The following BEND5 variants were observed in gnomAD, a reference collection of about 807,000 sequenced individuals.
BEND5 encodes the protein BEN domain-containing protein 5.
Under a neutral mutation model 43.9 loss-of-function variants are expected in BEND5, and 22 were observed. The ratio of observed to expected loss-of-function variants is 0.50; its 90% CI spans 0.36 to 0.72. The LOEUF (loss-of-function observed/expected upper bound fraction) is 0.72, where lower values mean the gene tolerates loss of function less well. Ranked by LOEUF, BEND5 falls within the 30% of genes least tolerant of loss-of-function variation. BEND5 has a pLI of 0.00. For missense variants in BEND5, 428 were observed against 550.6 expected (o/e 0.78, Z 2.23); for synonymous variants, 228 against 225.9 (o/e 1.01, Z -0.08).
intron 5 of BEND5, among the ~76,000 whole-genome samples, chr1:48,729,577 C>T (rs991728152): frequency 6.6e-6 from 1 of 152,080 alleles, no homozygotes; most frequent in African/African-American, 2.4e-5. Flanking sequence ...CTAACTTGTG[C>T]TAACCTTTCC....
At chr1:48,753,522 T>C (rs925085755) in intron 3 of BEND5, among the ~76,000 whole-genome samples, 1 of 152,214 alleles carries the variant, frequency 6.6e-6, no homozygotes, top group Non-Finnish European at 1.5e-5. Context: ...AAAGCTGGTA[T>C]TTTAGCGGAC....
intron 3 of BEND5, among the ~76,000 whole-genome samples, chr1:48,758,209 C>T (rs1644049593): frequency 6.6e-6 from 1 of 152,206 alleles, no homozygotes; most frequent in Admixed American, 6.5e-5. Flanking sequence ...CTGCTCAAAG[C>T]TTTCTAATGC....
chr1:48,735,001 T>C (rs1648791613), intron 5 of BEND5, among the ~76,000 whole-genome samples: 1 of 152,244 alleles, frequency 6.6e-6, no homozygotes, highest in African/African-American at 2.4e-5. Context: ...ACTAGCTGTA[T>C]AACCTGGTCA....
At chr1:48,760,970 A>C (rs1349928539) in intron 2 of BEND5, 1 of 172,426 alleles carries the variant, frequency 5.8e-6, no homozygotes, top group Non-Finnish European at 1.2e-5. Context: ...GCACTCTGAC[A>C]GTGACTGGCC....
intron 3 of BEND5, among the ~76,000 whole-genome samples, chr1:48,751,987 T>C (rs1158502728): frequency 6.6e-6 from 1 of 152,204 alleles, no homozygotes; most frequent in Non-Finnish European, 1.5e-5. Context: ...AGAAGATGAC[T>C]GATATTTTTC....
In BEND5 at chr1:48,736,106, T is replaced by A. The variant is rs1240040344; in HGVS notation, c.1108+133A>T. Reference sequence around the variant, plus strand: ...TGGGGCATTTGGGTTATCCGCTTGGTGTCCCCGGGCTCAGCCCAGGGTCTG... The same window carrying A: ...TGGGGCATTTGGGTTATCCGCTTGGAGTCCCCGGGCTCAGCCCAGGGTCTG... On this transcript the variant is annotated intron_variant, in intron 5 of 5. Transcript: ENST00000371833. This position sits in a 1 kb window ranked among gnomAD's most constrained non-coding sequence, Gnocchi z 4.0. 4 of 965,962 alleles carry A rather than the reference T, an allele frequency of 4.1e-6. No individual in the cohort carries two copies. The Admixed American group carries it at 8.7e-5, about 21-fold the overall frequency. The allele number at this position is 965,962 out of a possible 1,614,324, so 59.8% of individuals were successfully genotyped here. A position where few individuals can be genotyped will look rare whatever the true frequency, so the allele number is the denominator to read the frequency against.
At chr1:48,730,443 C>T (rs978001529) in intron 5 of BEND5, among the ~76,000 whole-genome samples, 1 of 152,114 alleles carries the variant, frequency 6.6e-6, no homozygotes. Context: ...GAAGATTCCC[C>T]CAGCTCGAAG....
intron 1 of BEND5, among the ~76,000 whole-genome samples, chr1:48,762,376 C>A (rs577643936): frequency 6.6e-6 from 1 of 152,224 alleles, no homozygotes; most frequent in African/African-American, 2.4e-5. Context: ...TGGATATGTT[C>A]AAAAATAAAA....
intron 3 of BEND5, among the ~76,000 whole-genome samples, chr1:48,747,452 T>G (rs1650946458): frequency 6.6e-6 from 1 of 152,230 alleles, no homozygotes; most frequent in South Asian, 2.1e-4. Context: ...TATCAAGATC[T>G]AGGCTCTGCA....
chr1:48,760,841 T>C (rs1644219797), intron 2 of BEND5, among the ~76,000 whole-genome samples: 1 of 152,166 alleles, frequency 6.6e-6, no homozygotes, highest in Admixed American at 6.5e-5. Context: ...GGAGACCAAC[T>C]GGGGCACACA....
intron 1 of BEND5, among the ~76,000 whole-genome samples, chr1:48,769,971 C>T (rs988338431): frequency 6.6e-6 from 1 of 152,202 alleles, no homozygotes; most frequent in Non-Finnish European, 1.5e-5. Context: ...TAGAAGTCAT[C>T]TAACCAAACT....
chr1:48,766,213 AT>A (rs576364791), intron 1 of BEND5, among the ~76,000 whole-genome samples: 4 of 151,450 alleles, frequency 2.6e-5, no homozygotes, highest in East Asian at 3.9e-4. Context: ...TATAAGCCAC[AT>A]TTTTTTTTCC....
chr1:48,755,620 G>A (rs1396277483), intron 3 of BEND5, among the ~76,000 whole-genome samples: 1 of 151,990 alleles, frequency 6.6e-6, no homozygotes, highest in Non-Finnish European at 1.5e-5. Context: ...TCTCTCATTC[G>A]CTTTCTGGTT....
chr1:48,747,037 G>A (rs1170894508), intron 3 of BEND5, among the ~76,000 whole-genome samples: 2 of 152,224 alleles, frequency 1.3e-5, no homozygotes, highest in African/African-American at 4.8e-5. Flanking sequence ...CACTACCGAT[G>A]TTGGCAATTT....
intron 2 of BEND5, among the ~76,000 whole-genome samples, chr1:48,760,769 T>G (rs573516077): frequency 6.6e-6 from 1 of 152,168 alleles, no homozygotes; most frequent in Non-Finnish European, 1.5e-5. Context: ...AGGTATCTAC[T>G]GCACAGAAAA....
intron 1 of BEND5, among the ~76,000 whole-genome samples, chr1:48,768,961 C>T (rs540797764): frequency 3.3e-5 from 5 of 151,932 alleles, no homozygotes; most frequent in South Asian, 2.1e-4. Flanking sequence ...GCCAAGACTA[C>T]AAAAAAAAGA....
At chr1:48,748,453 T>A (rs925987956) in intron 3 of BEND5, among the ~76,000 whole-genome samples, 1 of 152,174 alleles carries the variant, frequency 6.6e-6, no homozygotes, top group Admixed American at 6.5e-5. Context: ...GGCAGCAGAC[T>A]ACCACCAGCC....
chr1:48,742,564 C>T (rs1483141240), intron 4 of BEND5, 59 bp downstream of exon 4: 1 of 1,391,994 alleles, frequency 7.2e-7, no homozygotes, highest in Non-Finnish European at 9.4e-7. Context: ...CCATACTCTC[C>T]ACCTTTACTC....
At chr1:48,764,408 C>A (rs1291677790) in intron 1 of BEND5, among the ~76,000 whole-genome samples, 1 of 151,794 alleles carries the variant, frequency 6.6e-6, no homozygotes. Context: ...AGTTGGTGCT[C>A]ATAAAAGGAT....
Sources: gnomAD v4.1 joint callset for allele counts (sites outside exome capture counted in the v4.1 genomes callset) on GRCh38, gnomAD v4.1.1 for gene constraint, Gnocchi (gnomAD v3.1) non-coding constraint, MANE v1.5 for transcripts, NCBI Gene and HGNC (gene_info 2026-07-23, HGNC 2026-07-21) for gene names.